The following SDHAF3 variants were observed in gnomAD, a reference collection of about 807,000 sequenced individuals.
The protein encoded by SDHAF3 is succinate dehydrogenase assembly factor 3, mitochondrial.
Under a neutral mutation model 11.5 loss-of-function variants are expected in SDHAF3, and 18 were observed. The observed-to-expected ratio is 1.56, with a 90% CI of 1.08 to 2.32. SDHAF3 has a LOEUF of 2.32. Among genes scored for constraint, SDHAF3 ranks in the 30% most tolerant of loss-of-function variants. The probability of loss-of-function intolerance (pLI) is 0.00; values close to 1 mark genes in which losing one functional copy is unlikely to be tolerated. For missense variants in SDHAF3, 200 were observed against 154.4 expected (o/e 1.30, Z -1.57); for synonymous variants, 72 against 59.3 (o/e 1.21, Z -0.99).
At chr7:97,154,175 G>A (rs547594033) in intron 1 of SDHAF3, among the ~76,000 whole-genome samples, 14 of 139,520 alleles carry the variant, frequency 1.0e-4, no homozygotes, top group African/African-American at 3.0e-4. Context: ...CTTAAGGGTG[G>A]GGGAGATTAC....
Position 97,181,393 on chromosome 7 carries a change from CT to C in SDHAF3, c.*179del. Reference sequence around the variant, plus strand: ...GATCACTAGTGACAATTGAAAAAAACTATTGGAATAATAGCACTTGTATGAA... The same window carrying C: ...GATCACTAGTGACAATTGAAAAAAACATTGGAATAATAGCACTTGTATGAA... On this transcript the variant is annotated 3_prime_UTR_variant, in exon 2 of 2. Transcript: ENST00000432641. 2.0e-6 allele frequency: 1 copy of C among 491,108 alleles called. No homozygotes were observed. The highest frequency in any genetic ancestry group is 3.5e-6 in the Non-Finnish European group (1 of 282,138). The allele number at this position is 491,108 out of a possible 1,614,324, so 30.4% of individuals were successfully genotyped here. A position where few individuals can be genotyped will look rare whatever the true frequency, so the allele number is the denominator to read the frequency against.
At chr7:97,124,459 A>C (rs1225747671) in intron 1 of SDHAF3, among the ~76,000 whole-genome samples, 4 of 151,940 alleles carry the variant, frequency 2.6e-5, no homozygotes, top group Non-Finnish European at 5.9e-5. Flanking sequence ...TTTGCTTAGG[A>C]TTGTCTTGGC....
intron 1 of SDHAF3, among the ~76,000 whole-genome samples, chr7:97,174,800 T>G (rs761459683): frequency 8.5e-5 from 13 of 152,228 alleles, no homozygotes; most frequent in Non-Finnish European, 1.5e-4. Context: ...ATGTTTACCT[T>G]GATCATTTCA....
chr7:97,174,221 G>C (rs1410473535), intron 1 of SDHAF3, among the ~76,000 whole-genome samples: 1 of 152,100 alleles, frequency 6.6e-6, no homozygotes, highest in Non-Finnish European at 1.5e-5. Flanking sequence ...GAGCATTTTT[G>C]TTCAAATAAG....
intron 1 of SDHAF3, among the ~76,000 whole-genome samples, chr7:97,156,265 A>G (rs1355376559): frequency 2.6e-5 from 4 of 152,170 alleles, no homozygotes; most frequent in Non-Finnish European, 5.9e-5. Context: ...AATGTCCCCC[A>G]GCTGGGATTT....
At chr7:97,151,830 C>CT (rs1789229537) in intron 1 of SDHAF3, among the ~76,000 whole-genome samples, 2 of 152,056 alleles carry the variant, frequency 1.3e-5, no homozygotes, top group African/African-American at 4.8e-5. Context: ...GTGGTACGGT[C>CT]TTTCCAGATC....
chr7:97,178,905 AT>A, intron 1 of SDHAF3, among the ~76,000 whole-genome samples: 1 of 152,284 alleles, frequency 6.6e-6, no homozygotes, highest in African/African-American at 2.4e-5. Flanking sequence ...CTAAGAACCT[AT>A]TGCCAAATCA....
At chr7:97,128,655 G>C (rs1339171892) in intron 1 of SDHAF3, among the ~76,000 whole-genome samples, 3 of 152,044 alleles carry the variant, frequency 2.0e-5, no homozygotes, top group Admixed American at 2.0e-4. Flanking sequence ...AATTATATAT[G>C]CATGAAAGGA....
At chr7:97,173,058 C>G (rs997105854) in intron 1 of SDHAF3, among the ~76,000 whole-genome samples, 1 of 152,144 alleles carries the variant, frequency 6.6e-6, no homozygotes, top group Non-Finnish European at 1.5e-5. Flanking sequence ...TTTGCATAGG[C>G]AGTTCACAAT....
intron 1 of SDHAF3, among the ~76,000 whole-genome samples, chr7:97,165,357 C>CTTTTTTTTTTTTTTTTTTTTTTTTTTTTT (rs10653828): frequency 3.9e-5 from 3 of 77,024 alleles, no homozygotes; most frequent in African/African-American, 5.0e-5. Flanking sequence ...ATTTTCCTAC[C>CTTTTTTTTTTTTTTTTTTTTTTTTTTTTT]TTTTTTTTTT....
intron 1 of SDHAF3, among the ~76,000 whole-genome samples, chr7:97,156,654 G>A (rs1789305284): frequency 6.6e-6 from 1 of 152,112 alleles, no homozygotes; most frequent in Non-Finnish European, 1.5e-5. Context: ...TTTCTTCAGT[G>A]CAGGGGAACA....
chr7:97,155,844 A>G (rs1029202258), intron 1 of SDHAF3, among the ~76,000 whole-genome samples: 2 of 150,974 alleles, frequency 1.3e-5, no homozygotes, highest in African/African-American at 4.9e-5. Context: ...ACAATTAGCT[A>G]ATATCCGAAG....
intron 1 of SDHAF3, among the ~76,000 whole-genome samples, chr7:97,169,264 C>T (rs748740956): frequency 3.3e-5 from 5 of 151,968 alleles, no homozygotes; most frequent in Admixed American, 1.3e-4. Flanking sequence ...GAGCTAAGAT[C>T]GCGGCGCTGC....
chr7:97,118,244 C>T (rs1791439293), intron 1 of SDHAF3, among the ~76,000 whole-genome samples: 1 of 152,118 alleles, frequency 6.6e-6, no homozygotes, highest in Admixed American at 6.5e-5. Flanking sequence ...CTAGTAAGCG[C>T]CCATTAATAA....
intron 1 of SDHAF3, among the ~76,000 whole-genome samples, chr7:97,150,868 T>A (rs953827509): frequency 6.6e-6 from 1 of 152,076 alleles, no homozygotes; most frequent in Non-Finnish European, 1.5e-5. Flanking sequence ...GGCCTAGGAA[T>A]CTTTTTCTGA....
chr7:97,158,292 T>C (rs571931221), intron 1 of SDHAF3, among the ~76,000 whole-genome samples: 6 of 152,330 alleles, frequency 3.9e-5, no homozygotes, highest in African/African-American at 1.4e-4. Context: ...AATGTTTCCA[T>C]TTCTTCTGAT....
At chr7:97,140,441 G>A (rs1160666181) in intron 1 of SDHAF3, among the ~76,000 whole-genome samples, 1 of 150,532 alleles carries the variant, frequency 6.6e-6, no homozygotes, top group Admixed American at 6.6e-5. Flanking sequence ...CGCCTCCCGG[G>A]TTCACACCAT....
chr7:97,118,668 G>C (rs1424952363), intron 1 of SDHAF3, among the ~76,000 whole-genome samples: 2 of 151,874 alleles, frequency 1.3e-5, no homozygotes, highest in Non-Finnish European at 2.9e-5. Context: ...AATGGAATTA[G>C]AGATTGGAAT....
At chr7:97,157,946 A>C (rs970957112) in intron 1 of SDHAF3, among the ~76,000 whole-genome samples, 1 of 130,612 alleles carries the variant, frequency 7.7e-6, no homozygotes, top group African/African-American at 2.9e-5. Context: ...GGGGAACATC[A>C]CACACTGGGG....
Sources: gnomAD v4.1 joint callset for allele counts (sites outside exome capture counted in the v4.1 genomes callset) on GRCh38, gnomAD v4.1.1 for gene constraint, MANE v1.5 for transcripts, NCBI Gene and HGNC (gene_info 2026-07-23, HGNC 2026-07-21) for gene names.